The following VAV3 variants were observed in gnomAD, a reference collection of about 807,000 sequenced individuals.
VAV3 encodes guanine nucleotide exchange factor VAV3.
Under a neutral mutation model 131.2 loss-of-function variants are expected in VAV3, and 94 were observed. The observed-to-expected ratio is 0.72, with a 90% CI of 0.61 to 0.85. The LOEUF (loss-of-function observed/expected upper bound fraction) is 0.85. Ranked by LOEUF, VAV3 falls within the 40% of genes least tolerant of loss-of-function variation. The pLI is 0.00. For missense variants in VAV3, 939 were observed against 1,002.7 expected (o/e 0.94, Z 0.86); for synonymous variants, 349 against 342.0 (o/e 1.02, Z -0.22).
chr1:107,864,447 C>A lies in VAV3; in HGVS notation c.321+10454G>T, dbSNP rs138746894. On this transcript the variant is annotated intron_variant, in intron 2 of 26. Transcript: ENST00000370056. ...GGCCAGTCTGGGCAACATGGCAAAACCCTGTCTCTACAAAAAAATGCAAAA... is the reference window on the plus strand; with the variant it reads ...GGCCAGTCTGGGCAACATGGCAAAAACCTGTCTCTACAAAAAAATGCAAAA... Among the ~76,000 whole-genome samples, 463 of 152,134 alleles carry A rather than the reference C, an allele frequency of 3.0e-3. 4 individuals carry two copies. The highest frequency in any genetic ancestry group is 0.011 in the African/African-American group (443 of 41,502).
chr1:107,691,406 A>G (rs919356738), intron 17 of VAV3, among the ~76,000 whole-genome samples: 1 of 152,146 alleles, frequency 6.6e-6, no homozygotes, highest in African/African-American at 2.4e-5. Context: ...TTGGATCTCT[A>G]GAAAACTCTG....
At chr1:107,801,327 T>G (rs12120048) in intron 2 of VAV3, among the ~76,000 whole-genome samples, 17,079 of 152,186 alleles carry the variant, frequency 0.11, 1,082 homozygotes, top group Non-Finnish European at 0.14. Flanking sequence ...ATTTAGAACA[T>G]TTTTCTATTT....
At chr1:107,779,543 A>G (rs771263288) in intron 2 of VAV3, 51 bp from the exon 3 acceptor site, 1 of 1,455,052 alleles carries the variant, frequency 6.9e-7, no homozygotes, top group Non-Finnish European at 9.1e-7. Flanking sequence ...AAAATATAAG[A>G]TTTCTTTTTC....
intron 19 of VAV3, among the ~76,000 whole-genome samples, chr1:107,677,050 C>A (rs1435306950): frequency 2.0e-5 from 3 of 152,090 alleles, no homozygotes. Context: ...AAGAACCAAA[C>A]ATAAGCTTTT....
intron 19 of VAV3, among the ~76,000 whole-genome samples, chr1:107,649,922 A>G (rs1196959053): frequency 3.9e-5 from 6 of 152,112 alleles, no homozygotes; most frequent in Middle Eastern, 6.3e-3. Context: ...ATGTAATAAT[A>G]CCAGATAAAA....
chr1:107,850,669 A>C (rs537276578), intron 2 of VAV3, among the ~76,000 whole-genome samples: 14 of 152,204 alleles, frequency 9.2e-5, no homozygotes, highest in African/African-American at 3.4e-4. Context: ...ATGTATACCT[A>C]TGTAACAAAC....
At chr1:107,648,366 A>G (rs537493912) in intron 19 of VAV3, among the ~76,000 whole-genome samples, 2 of 152,144 alleles carry the variant, frequency 1.3e-5, no homozygotes, top group East Asian at 1.9e-4. Flanking sequence ...CCTTTATTAA[A>G]AAGGTGTTTA....
At chr1:107,610,286 A>G (rs1368148682) in intron 21 of VAV3, among the ~76,000 whole-genome samples, 1 of 152,208 alleles carries the variant, frequency 6.6e-6, no homozygotes, top group African/African-American at 2.4e-5. Flanking sequence ...AACTAAAGTG[A>G]AAACGTTATT....
chr1:107,577,251 G>T (rs750115450), intron 25 of VAV3, among the ~76,000 whole-genome samples: 2 of 152,118 alleles, frequency 1.3e-5, no homozygotes, highest in Non-Finnish European at 2.9e-5. Context: ...GAAAAATCTG[G>T]ACTCAAACCT....
intron 1 of VAV3, among the ~76,000 whole-genome samples, chr1:107,913,500 T>C (rs909864089): frequency 6.6e-6 from 1 of 152,212 alleles, no homozygotes; most frequent in African/African-American, 2.4e-5. Context: ...TCCTTTCCCA[T>C]AGCAAGAACT....
chr1:107,760,973 G>A (rs1291818016), intron 9 of VAV3, 94 bp from the exon 10 acceptor site: 7 of 718,846 alleles, frequency 9.7e-6, no homozygotes, highest in Non-Finnish European at 9.0e-6. Context: ...CAATAAATGA[G>A]TGCGTTTGTT....
In VAV3 at chr1:107,718,416, G is replaced by A. The variant is rs548997822; in HGVS notation, c.1503-13355C>T. 1.4e-3 allele frequency among the ~76,000 whole-genome samples: 212 copies of A among 152,034 alleles called. 2 individuals carry two copies. The highest frequency in any genetic ancestry group is 4.7e-3 in the African/African-American group (193 of 41,364). On this transcript the variant is annotated intron_variant, in intron 15 of 26. Transcript: ENST00000370056. ...CAAGCATTCCTATACACCAATTACA[G>A]ACAAACAGAGAGCCAAATCATGAGT... is the stretch of plus-strand genomic sequence containing the variant.
intron 1 of VAV3, among the ~76,000 whole-genome samples, chr1:107,928,476 A>G (rs923323233): frequency 1.3e-5 from 2 of 152,362 alleles, no homozygotes; most frequent in African/African-American, 4.8e-5. Context: ...GAGAATTTAA[A>G]ATAGCTGTTT....
At chr1:107,661,594 T>A (rs1374725504) in intron 19 of VAV3, among the ~76,000 whole-genome samples, 1 of 152,232 alleles carries the variant, frequency 6.6e-6, no homozygotes, top group Non-Finnish European at 1.5e-5. Flanking sequence ...TTATCCAAAG[T>A]ATAGTGTTTG....
At chr1:107,677,340 G>A (rs1658282441) in intron 19 of VAV3, among the ~76,000 whole-genome samples, 1 of 152,116 alleles carries the variant, frequency 6.6e-6, no homozygotes, top group Non-Finnish European at 1.5e-5. Flanking sequence ...GACCCAGTTA[G>A]TTCCTTTCAT....
intron 20 of VAV3, among the ~76,000 whole-genome samples, chr1:107,624,655 C>T (rs1037836115): frequency 6.6e-6 from 1 of 152,044 alleles, no homozygotes; most frequent in African/African-American, 2.4e-5. Context: ...CTATCCTTGG[C>T]AATTTTAATC....
In VAV3 at chr1:107,772,738, C is replaced by T; in HGVS notation, c.552G>A (p.Gln184=). The T allele has an allele frequency of 6.2e-7, 1 of 1,612,392 alleles. No homozygotes were observed. Among genetic ancestry groups the T allele is most frequent in the East Asian group, 2.2e-5 (1 of 44,830 alleles). Residue 184 remains glutamine (Q), a synonymous_variant, in exon 5 of 27, where the codon CAG becomes CAA. Transcript: ENST00000370056. ...EDLMKAEEAH[Q]PKCPENDIRS... ...TAAAAACAAGTAAAAGTCCTACGGGCTGATGTGCTTCCTCTGCCTTCATTA... is the reference window on the plus strand; with the variant it reads ...TAAAAACAAGTAAAAGTCCTACGGGTTGATGTGCTTCCTCTGCCTTCATTA...
intron 17 of VAV3, among the ~76,000 whole-genome samples, chr1:107,702,394 C>T (rs1660186973): frequency 6.6e-6 from 1 of 152,180 alleles, no homozygotes; most frequent in Admixed American, 6.5e-5. Flanking sequence ...GCACACAGGG[C>T]CAAACCATAG....
chr1:107,578,856 G>A (rs1649839022), intron 25 of VAV3: 1 of 984,998 alleles, frequency 1.0e-6, no homozygotes. Flanking sequence ...TTTACACCAA[G>A]AGTCTGGAAT....
Sources: allele counts gnomAD v4.1 joint callset (sites outside exome capture counted in the v4.1 genomes callset), GRCh38; gene constraint gnomAD v4.1.1; transcripts MANE v1.5; gene names NCBI Gene and HGNC (gene_info 2026-07-23, HGNC 2026-07-21).